The following ARNT2 variants were observed in gnomAD, a reference collection of about 807,000 sequenced individuals.
ARNT2 encodes the protein ARNT protein 2.
ARNT2 carries 36 observed loss-of-function variants against 91.7 expected under a neutral mutation model. That is an observed-to-expected ratio of 0.39 (90% confidence interval 0.30 to 0.52). The LOEUF is 0.52. Among genes scored for constraint, ARNT2 ranks in the 20% least tolerant of loss-of-function variants. The pLI is 0.72. For synonymous variants in ARNT2, 365 were observed against 347.1 expected, an observed-to-expected ratio of 1.05 and a Z score of -0.57; for missense variants, 775 against 939.3, an observed-to-expected ratio of 0.83 and a Z score of 2.29.
At chr15:80,531,936 G>T (rs1158658796) in intron 8 of ARNT2, among the ~76,000 whole-genome samples, 1 of 152,144 alleles carries the variant, frequency 6.6e-6, no homozygotes, top group African/African-American at 2.4e-5. Context: ...CGCAAAGGAC[G>T]CCTGCAGCAG....
chr15:80,452,631 C>A (rs16972145), intron 2 of ARNT2, among the ~76,000 whole-genome samples: 6,261 of 152,302 alleles, frequency 0.041, 165 homozygotes, highest in South Asian at 0.092. Context: ...TTGCCCAAGT[C>A]CTTTTCCAGA....
chr15:80,441,760 A>G (rs990783346), intron 1 of ARNT2, among the ~76,000 whole-genome samples: 1 of 152,212 alleles, frequency 6.6e-6, no homozygotes, highest in South Asian at 2.1e-4. Context: ...TCTACACAGT[A>G]CGTCTGCATC....
intron 8 of ARNT2, among the ~76,000 whole-genome samples, chr15:80,515,099 A>G (rs1399257193): frequency 6.6e-6 from 1 of 152,240 alleles, no homozygotes; most frequent in Non-Finnish European, 1.5e-5. Context: ...GATGGTTAAA[A>G]GACAGGTAAC....
At chr15:80,593,528 C>T in intron 18 of ARNT2, 72 bp from the exon 19 acceptor site, 1 of 1,277,828 alleles carries the variant, frequency 7.8e-7, no homozygotes, top group Non-Finnish European at 1.1e-6. Flanking sequence ...GCAGACTGGG[C>T]TCCTGGGACA....
chr15:80,456,237 C>G (rs1313727713), intron 2 of ARNT2, among the ~76,000 whole-genome samples: 4 of 151,846 alleles, frequency 2.6e-5, no homozygotes, highest in South Asian at 2.1e-4. Flanking sequence ...AGGTGTGTGT[C>G]TGTCTCTCTT....
intron 8 of ARNT2, among the ~76,000 whole-genome samples, chr15:80,522,141 A>C (rs1346106111): frequency 1.3e-5 from 2 of 152,234 alleles, no homozygotes; most frequent in African/African-American, 4.8e-5. Context: ...TGTAAATAAT[A>C]ATAATAATAA....
intron 8 of ARNT2, among the ~76,000 whole-genome samples, chr15:80,538,826 T>A (rs56234701): frequency 0.012 from 1,792 of 151,788 alleles, 38 homozygotes; most frequent in African/African-American, 0.042. Context: ...AAAGAGAAAA[T>A]CCCTGACAAG....
intron 8 of ARNT2, among the ~76,000 whole-genome samples, chr15:80,548,024 C>G (rs546940721): frequency 6.6e-6 from 1 of 151,922 alleles, no homozygotes; most frequent in Admixed American, 6.6e-5. Context: ...TTACAATTAG[C>G]CTTTAAGAAA....
intron 5 of ARNT2, among the ~76,000 whole-genome samples, chr15:80,496,969 G>A (rs529798219): frequency 6.6e-6 from 1 of 152,288 alleles, no homozygotes; most frequent in South Asian, 2.1e-4. Flanking sequence ...TGTATGCGAG[G>A]CACCCTGGAC....
At chr15:80,449,550 A>C (rs371852438) in intron 1 of ARNT2, among the ~76,000 whole-genome samples, 2 of 152,110 alleles carry the variant, frequency 1.3e-5, no homozygotes, top group South Asian at 4.1e-4. Flanking sequence ...ACCTTGGTTT[A>C]AAAAACAAAA....
At chr15:80,468,407 A>G (rs1595975970) in intron 3 of ARNT2, among the ~76,000 whole-genome samples, 1 of 151,172 alleles carries the variant, frequency 6.6e-6, no homozygotes, top group East Asian at 2.0e-4. Context: ...AAGGTTTCCC[A>G]GCTTCTCTTG....
intron 3 of ARNT2, among the ~76,000 whole-genome samples, chr15:80,464,843 T>A (rs1896628349): frequency 6.6e-6 from 1 of 151,958 alleles, no homozygotes; most frequent in Non-Finnish European, 1.5e-5. Flanking sequence ...GTCACCGAGG[T>A]GGGGCAGAGC....
Position 80,574,856 on chromosome 15 carries a change from T to A in ARNT2, c.1390-131T>A. 7 of 1,197,636 alleles carry A rather than the reference T, an allele frequency of 5.8e-6. 1 individual carries two copies. In the South Asian group the frequency reaches 1.2e-4, roughly 20 times the overall value. The allele number at this position is 1,197,636 out of a possible 1,614,324, so 74.2% of individuals were successfully genotyped here. The stretch of plus-strand genomic sequence containing the variant: ...TAGAAAAGCTTCCCACCCGATAAAA[T>A]GTTCCAGCCCAAAATGCCAGTGATT... On this transcript the variant is annotated intron_variant, in intron 13 of 18. Transcript: ENST00000303329.
At chr15:80,469,898 A>T (rs1896709261) in intron 3 of ARNT2, among the ~76,000 whole-genome samples, 1 of 152,204 alleles carries the variant, frequency 6.6e-6, no homozygotes, top group African/African-American at 2.4e-5. Flanking sequence ...TGCAGATGTG[A>T]GCCACCGTGC....
At chr15:80,479,437 G>C (rs181896512) in intron 5 of ARNT2, among the ~76,000 whole-genome samples, 45 of 152,330 alleles carry the variant, frequency 3.0e-4, no homozygotes, top group African/African-American at 9.6e-4. Flanking sequence ...CATGGAGAGA[G>C]AATGGGTGAA....
intron 17 of ARNT2, among the ~76,000 whole-genome samples, chr15:80,582,233 C>G (rs1232678034): frequency 6.6e-6 from 1 of 151,590 alleles, no homozygotes. Flanking sequence ...TGACTCACAT[C>G]TGTAATCCCA....
At chr15:80,551,070 C>T in intron 8 of ARNT2, 129 bp from the exon 9 acceptor site, 1 of 806,642 alleles carries the variant, frequency 1.2e-6, no homozygotes, top group Non-Finnish European at 2.0e-6. Flanking sequence ...AATTCATTGG[C>T]TGGCTTCCCA....
At chr15:80,561,514 A>G (rs1898351033) in intron 11 of ARNT2, among the ~76,000 whole-genome samples, 1 of 152,242 alleles carries the variant, frequency 6.6e-6, no homozygotes, top group South Asian at 2.1e-4. Context: ...CTGTGTGTGC[A>G]TACAATGTAT....
At chr15:80,432,573 C>G (rs1156826055) in intron 1 of ARNT2, among the ~76,000 whole-genome samples, 30 of 152,172 alleles carry the variant, frequency 2.0e-4, no homozygotes, top group Admixed American at 1.3e-3. Flanking sequence ...GTAGTTGCCA[C>G]AGAGACCTTA....
Sources: gnomAD v4.1 joint callset for allele counts (sites outside exome capture counted in the v4.1 genomes callset) on GRCh38, gnomAD v4.1.1 for gene constraint, MANE v1.5 for transcripts, NCBI Gene and HGNC (gene_info 2026-07-23, HGNC 2026-07-21) for gene names.